The following HEG1 variants were observed in gnomAD, a reference collection of about 807,000 sequenced individuals.
The protein encoded by HEG1 is heart development protein with EGF like domains 1, also known as protein HEG homolog 1.
In HEG1, 56 loss-of-function variants were observed where a neutral mutation model predicts 125.6. The ratio of observed to expected loss-of-function variants is 0.45; its 90% CI spans 0.36 to 0.56. The LOEUF (loss-of-function observed/expected upper bound fraction) is 0.56. HEG1 is among the 20% of genes least tolerant of loss of function. HEG1 has a pLI of 0.00. For synonymous variants in HEG1, 644 were observed against 668.5 expected, an observed-to-expected ratio of 0.96 and a Z score of 0.57; for missense variants, 1,523 against 1,670.0, an observed-to-expected ratio of 0.91 and a Z score of 1.53.
At chr3:125,009,567 G>A (rs892832312) in intron 8 of HEG1, 138 bp downstream of exon 8, 3 of 814,244 alleles carry the variant, frequency 3.7e-6, no homozygotes, top group Non-Finnish European at 5.5e-6. Flanking sequence ...ATGGACAATA[G>A]CTTCCACTTT....
chr3:125,023,419 C>G (rs1015859254), intron 3 of HEG1, among the ~76,000 whole-genome samples: 1 of 152,110 alleles, frequency 6.6e-6, no homozygotes, highest in African/African-American at 2.4e-5. Context: ...AACATTGCTT[C>G]TTTATCTCAT....
At chr3:125,023,633 A>G (rs1937370136) in intron 3 of HEG1, among the ~76,000 whole-genome samples, 1 of 150,446 alleles carries the variant, frequency 6.6e-6, no homozygotes, top group Non-Finnish European at 1.5e-5. Flanking sequence ...AACACCACTT[A>G]TATTACTAAA....
At chr3:124,971,099 A>G in intron 16 of HEG1, 2 of 523,024 alleles carry the variant, frequency 3.8e-6, no homozygotes, top group South Asian at 3.1e-5. Context: ...CCAAACCAGG[A>G]GGCCAACAGC....
At chr3:125,037,873 T>A (rs1244337290) in intron 1 of HEG1, among the ~76,000 whole-genome samples, 1 of 152,206 alleles carries the variant, frequency 6.6e-6, no homozygotes, top group Non-Finnish European at 1.5e-5. Flanking sequence ...TTAAGTGAGA[T>A]CCTTAATTGC....
intron 8 of HEG1, among the ~76,000 whole-genome samples, chr3:125,006,940 C>T (rs1159875060): frequency 6.6e-6 from 1 of 152,110 alleles, no homozygotes; most frequent in African/African-American, 2.4e-5. Context: ...TGGCTCACGC[C>T]TGTAATCCCA....
rs866369481 is a variant in HEG1, at chr3:125,029,230, A to G, written c.575T>C (p.Ile192Thr). ...ACTCTGGGAAGTCAGAGCTGTTGCT[A>G]TCTCCAGTGAGTACCCAACAGGCAA... ...TILPVGYSLE[I>T]ATALTSQSGN... is the part of the protein sequence containing the mutation. The change falls in exon 2 of 17, where the codon ATA becomes ACA. Residue 192 changes from isoleucine (I) to threonine (T), a missense_variant. Ile to Thr is a moderately conservative substitution (Grantham distance 89). Transcript: ENST00000311127. 2 of 1,613,258 alleles carry G rather than the reference A, an allele frequency of 1.2e-6. No individual in the cohort carries two copies. The highest frequency in any genetic ancestry group is 3.3e-5 in the Admixed American group (2 of 59,932).
chr3:125,013,282 AATG>A lies in HEG1; in HGVS notation c.2294_2296del (p.Ser765del). The A allele has an allele frequency of 6.2e-7, 1 of 1,613,982 alleles. No individual in the cohort carries two copies. Among genetic ancestry groups the A allele is most frequent in the Non-Finnish European group, 8.5e-7 (1 of 1,179,892 alleles). ...TTGACTACTATGGAGCATTGTCATG[AATG>A]ATGTCATTGTTGATGTCTGAAATGA... On this transcript the variant is annotated inframe_deletion, in exon 6 of 17. Transcript: ENST00000311127.
At chr3:124,995,002 G>A (rs1936894181) in intron 12 of HEG1, among the ~76,000 whole-genome samples, 1 of 152,174 alleles carries the variant, frequency 6.6e-6, no homozygotes, top group African/African-American at 2.4e-5. Context: ...ATGCAAACAG[G>A]TTGTGAGAAT....
chr3:125,030,643 T>C (rs775315443), intron 1 of HEG1, among the ~76,000 whole-genome samples: 52 of 152,216 alleles, frequency 3.4e-4, no homozygotes, highest in Non-Finnish European at 6.5e-4. Flanking sequence ...ACAGTAAATA[T>C]GCATGGAGGT....
chr3:124,985,750 G>C (rs1019792121), intron 14 of HEG1, among the ~76,000 whole-genome samples: 6 of 152,182 alleles, frequency 3.9e-5, no homozygotes, highest in Non-Finnish European at 8.8e-5. Context: ...GAAGATTTGA[G>C]AGAAAGGTTT....
At chr3:124,995,467 C>T (rs147762723) in intron 12 of HEG1, among the ~76,000 whole-genome samples, 51 of 152,300 alleles carry the variant, frequency 3.3e-4, no homozygotes, top group African/African-American at 1.2e-3. Flanking sequence ...TGTGTGTGCA[C>T]GCACACGCTG....
rs1937006294 is a variant in HEG1 at position 125,001,942 on chromosome 3, G to C, written c.3427C>G (p.Leu1143Val). Reference sequence around the variant, plus strand: ...ACACATTTCTGCATCCTATCAGCCAGGTCAAATAGCGTCACATTGGAGGCC... The same window carrying C: ...ACACATTTCTGCATCCTATCAGCCACGTCAAATAGCGTCACATTGGAGGCC... The part of the protein sequence containing the change: ...SLASNVTLFD[L>V]ADRMQKCVNS... The change falls in exon 11 of 17, where the codon CTG (leucine) becomes GTG (valine). Residue 1143 changes from leucine to valine, a missense_variant. Transcript: ENST00000311127. The C allele has an allele frequency of 6.2e-7, 1 of 1,614,014 alleles. No homozygotes were observed. Among genetic ancestry groups the C allele is most frequent in the Non-Finnish European group, 8.5e-7 (1 of 1,179,886 alleles).
intron 5 of HEG1, chr3:125,015,059 C>T (rs566748269): frequency 1.4e-5 from 17 of 1,184,112 alleles, no homozygotes; most frequent in East Asian, 5.9e-5. Flanking sequence ...AGGGCTGGAG[C>T]GACAGGATCG....
intron 14 of HEG1, among the ~76,000 whole-genome samples, chr3:124,986,444 T>C (rs1167759365): frequency 6.6e-6 from 1 of 152,156 alleles, no homozygotes; most frequent in Non-Finnish European, 1.5e-5. Flanking sequence ...CAATATGCTA[T>C]CACCATAGAG....
chr3:125,015,162 A>G (rs957758662), intron 5 of HEG1: 1 of 424,588 alleles, frequency 2.4e-6, no homozygotes, highest in Non-Finnish European at 3.8e-6. Flanking sequence ...CCTTGCAAAC[A>G]TGGCTCAGTG....
chr3:125,034,046 A>C (rs1235059447), intron 1 of HEG1, among the ~76,000 whole-genome samples: 2 of 151,552 alleles, frequency 1.3e-5, no homozygotes, highest in Non-Finnish European at 2.9e-5. Flanking sequence ...CACTGATGTA[A>C]ATTATATCTC....
intron 11 of HEG1, among the ~76,000 whole-genome samples, chr3:125,000,741 T>C (rs1178419171): frequency 6.6e-6 from 1 of 152,208 alleles, no homozygotes; most frequent in Non-Finnish European, 1.5e-5. Flanking sequence ...CTGGAAGTTA[T>C]GGAACCCAGG....
chr3:124,996,025 G>A (rs759497994), intron 12 of HEG1, among the ~76,000 whole-genome samples: 3 of 151,814 alleles, frequency 2.0e-5, no homozygotes, highest in East Asian at 3.9e-4. Flanking sequence ...GCAGCACAGC[G>A]CCCCAACACA....
Position 125,027,314 on chromosome 3 carries a change from C to T in HEG1, c.804G>A (p.Met268Ile), listed in dbSNP as rs1560030378. The T allele has an allele frequency of 6.2e-7, 1 of 1,613,950 alleles. No homozygotes were observed. Among genetic ancestry groups the T allele is most frequent in the Non-Finnish European group, 8.5e-7 (1 of 1,179,876 alleles). ...WSPSFLPALE[M>I]GELTTPSRKR... is the part of the protein sequence containing the mutation. ...TCCTAGAAGGCGTGGTCAGCTCTCC[C>T]ATCTCCAAAGCAGGAAGAAAGGACG... Residue 268 changes from methionine to isoleucine, a missense_variant, in exon 3 of 17, where the codon ATG becomes ATA. Coordinates refer to ENST00000311127, the MANE Select transcript of HEG1 (RefSeq NM_020733.2).
Sources: allele counts gnomAD v4.1 joint callset (sites outside exome capture counted in the v4.1 genomes callset), GRCh38; gene constraint gnomAD v4.1.1; transcripts MANE v1.5; gene names NCBI Gene and HGNC (gene_info 2026-07-23, HGNC 2026-07-21).